MYO16: variants seen among roughly 807,000 people sequenced by gnomAD.
MYO16 encodes unconventional myosin-XVI.
MYO16 carries 94 observed loss-of-function variants against 205.3 expected under a neutral mutation model. That is an observed-to-expected ratio of 0.46 (90% CI 0.39 to 0.54). MYO16 has a LOEUF of 0.54. MYO16 is among the 20% of genes least tolerant of loss of function. The pLI is 0.00. For synonymous variants in MYO16, 988 were observed against 954.0 expected (o/e 1.04, Z -0.66); for missense variants, 2,315 against 2,387.5 (o/e 0.97, Z 0.63).
chr13:108,610,794 G>C (rs1334344318), intron 1 of MYO16, among the ~76,000 whole-genome samples: 1 of 152,104 alleles, frequency 6.6e-6, no homozygotes, highest in Non-Finnish European at 1.5e-5. Context: ...GGAGAGCTGA[G>C]AGAAACAAGT....
intron 10 of MYO16, among the ~76,000 whole-genome samples, chr13:108,848,953 CAT>C (rs2139083689): frequency 6.6e-6 from 1 of 152,152 alleles, no homozygotes; most frequent in African/African-American, 2.4e-5. Context: ...GACACAAGCA[CAT>C]GTGTGCACGA....
intron 4 of MYO16, among the ~76,000 whole-genome samples, chr13:108,784,373 G>A (rs533428019): frequency 1.3e-5 from 2 of 152,110 alleles, no homozygotes; most frequent in East Asian, 3.9e-4. Context: ...TTCAGATAAA[G>A]TAATATCTTT....
intron 13 of MYO16, chr13:108,886,609 T>C (rs1196444729): frequency 7.2e-6 from 3 of 413,936 alleles, no homozygotes; most frequent in Non-Finnish European, 1.4e-5. Flanking sequence ...GTCCTTCCAG[T>C]GCGCATGCTG....
At chr13:108,556,625 A>C in the MYO16 span, among the ~76,000 whole-genome samples, 1 of 152,104 alleles carries the variant, frequency 6.6e-6, no homozygotes, top group African/African-American at 2.4e-5. Flanking sequence ...ATGAAGAAGT[A>C]TTTTAATTTG....
intron 23 of MYO16, among the ~76,000 whole-genome samples, chr13:109,042,001 A>C (rs934393814): frequency 4.6e-5 from 7 of 151,822 alleles, no homozygotes; most frequent in Admixed American, 4.6e-4. Context: ...AGTAGCTGGG[A>C]TTGCAGGCGT....
intron 21 of MYO16, among the ~76,000 whole-genome samples, chr13:109,002,183 A>G (rs1885238689): frequency 6.6e-6 from 1 of 152,140 alleles, no homozygotes; most frequent in African/African-American, 2.4e-5. Flanking sequence ...TCCTCAATTA[A>G]TTCCAATGTG....
chr13:109,006,625 A>T (rs541353374), intron 21 of MYO16, among the ~76,000 whole-genome samples: 4 of 152,314 alleles, frequency 2.6e-5, no homozygotes, highest in Admixed American at 2.6e-4. Flanking sequence ...CTTAGATATT[A>T]TTCCCCTTGC....
At chr13:109,184,599 TTTTG>T (rs57801472) in intron 34 of MYO16, among the ~76,000 whole-genome samples, 15,612 of 151,880 alleles carry the variant, frequency 0.1, 1,073 homozygotes, top group African/African-American at 0.19. Flanking sequence ...CTATGTTTTT[TTTTG>T]TTTGTGTGTG....
chr13:108,564,430 A>C, the MYO16 span, among the ~76,000 whole-genome samples: 1 of 152,062 alleles, frequency 6.6e-6, no homozygotes, highest in African/African-American at 2.4e-5. Flanking sequence ...CGGCCTCCTG[A>C]AGTTCTGGGA....
intron 15 of MYO16, among the ~76,000 whole-genome samples, chr13:108,906,818 GA>G (rs1881001304): frequency 6.6e-6 from 1 of 152,174 alleles, no homozygotes; most frequent in African/African-American, 2.4e-5. Flanking sequence ...TAGGAAAAAT[GA>G]AGCCCAGAGG....
intron 31 of MYO16, among the ~76,000 whole-genome samples, chr13:109,130,427 A>G (rs1876479162): frequency 6.6e-6 from 1 of 152,260 alleles, no homozygotes. Context: ...CCACAAAAAG[A>G]AAGTCTTTGA....
chr13:108,665,947 A>G lies in MYO16; in HGVS notation c.90A>G (p.Leu30=), dbSNP rs1846026737. 6.2e-7 allele frequency: 1 copy of G among 1,614,120 alleles called. No individual in the cohort carries two copies. Among genetic ancestry groups the G allele is most frequent in the Non-Finnish European group, 8.5e-7 (1 of 1,179,976 alleles). Reference sequence around the variant, plus strand: ...AGATGGAAATCGACCAGTGCTTGCTAGAGTCCCTTCCCCTTGGCCAACGGC... The same window carrying G: ...AGATGGAAATCGACCAGTGCTTGCTGGAGTCCCTTCCCCTTGGCCAACGGC... ...SHEMEIDQCL[L]ESLPLGQRQR... The change falls in exon 2 of 35, where the codon CTA becomes CTG. Residue 30 remains leucine (L), a synonymous_variant. Transcript: ENST00000457511.
intron 3 of MYO16, among the ~76,000 whole-genome samples, chr13:108,718,944 A>T (rs187097218): frequency 3.9e-5 from 6 of 152,234 alleles, no homozygotes; most frequent in Non-Finnish European, 5.9e-5. Flanking sequence ...AGAAGAGCAC[A>T]TTGTGATGAT....
In MYO16 at chr13:109,140,478, G is replaced by C; in HGVS notation, c.4266G>C (p.Ala1422=). The change falls in exon 32 of 35, where the codon GCG becomes GCC. Residue 1422 remains alanine, a synonymous_variant. Coordinates refer to ENST00000457511, the MANE Select transcript of MYO16 (RefSeq NM_001198950.3). This position sits in a 1 kb window ranked among gnomAD's most constrained non-coding sequence, Gnocchi z 8.0. ...GTPQCALPPA[A]PPGDEDDSEP... ...CGCAGTGCGCGCTGCCCCCGGCGGCGCCTCCGGGTGACGAGGACGACAGCG... is the reference window on the plus strand; with the variant it reads ...CGCAGTGCGCGCTGCCCCCGGCGGCCCCTCCGGGTGACGAGGACGACAGCG... 1.3e-6 allele frequency: 2 copies of C among 1,538,620 alleles called. No homozygotes were observed. Among genetic ancestry groups the C allele is most frequent in the Non-Finnish European group, 1.7e-6 (2 of 1,151,482 alleles).
chr13:108,680,404 A>G (rs777513370), intron 2 of MYO16, among the ~76,000 whole-genome samples: 2 of 152,190 alleles, frequency 1.3e-5, no homozygotes, highest in Non-Finnish European at 2.9e-5. Flanking sequence ...CATTCATCTT[A>G]TTGAATGTCA....
At chr13:109,040,358 G>GCACACA (rs1178153837) in intron 23 of MYO16, among the ~76,000 whole-genome samples, 31 of 77,140 alleles carry the variant, frequency 4.0e-4, no homozygotes, top group African/African-American at 1.3e-3. Flanking sequence ...ACAGACAGTA[G>GCACACA]CATACACACA....
chr13:108,884,833 C>A lies in MYO16; in HGVS notation c.1553+1647C>A, dbSNP rs187412453. 1.3e-4 allele frequency among the ~76,000 whole-genome samples: 20 copies of A among 151,272 alleles called. No individual in the cohort carries two copies. The East Asian group carries it at 3.9e-3, about 30-fold the overall frequency. ...AGAAAGGCGCTGAGACAGGGGCTCT[C>A]ACCCATTCTAGACATGAGGATGAGA... On this transcript the variant is annotated intron_variant, in intron 13 of 34. Transcript: ENST00000457511.
At chr13:108,808,870 C>T (rs1887199149) in intron 7 of MYO16, among the ~76,000 whole-genome samples, 1 of 152,034 alleles carries the variant, frequency 6.6e-6, no homozygotes, top group Non-Finnish European at 1.5e-5. Context: ...AAACATAAGC[C>T]CAATCTAATT....
intron 23 of MYO16, among the ~76,000 whole-genome samples, chr13:109,022,529 A>AC (rs1886096185): frequency 3.0e-5 from 4 of 132,696 alleles, no homozygotes; most frequent in African/African-American, 1.1e-4. Context: ...TTATATATAC[A>AC]ATATAAACAT....
Sources: allele counts gnomAD v4.1 joint callset (sites outside exome capture counted in the v4.1 genomes callset), GRCh38; gene constraint gnomAD v4.1.1; non-coding constraint Gnocchi (gnomAD v3.1); transcripts MANE v1.5; gene names NCBI Gene and HGNC (gene_info 2026-07-23, HGNC 2026-07-21).